Variants in MICALL1 observed in about 807,000 individuals in gnomAD.
The protein encoded by MICALL1 is MICAL-like protein 1.
In MICALL1, 61 loss-of-function variants were observed where a neutral mutation model predicts 83.7. That is an observed-to-expected ratio of 0.73 (90% CI 0.59 to 0.90). MICALL1 has a LOEUF of 0.90. Among genes scored for constraint, MICALL1 ranks in the 40% least tolerant of loss-of-function variants. MICALL1 has a pLI of 0.00. For synonymous variants in MICALL1, 481 were observed against 473.6 expected, an observed-to-expected ratio of 1.02 and a Z score of -0.20; for missense variants, 1,066 against 1,152.0, an observed-to-expected ratio of 0.93 and a Z score of 1.08.
At position 37,932,865 on chromosome 22, in the gene MICALL1, G is replaced by A. The variant is rs1929874939; in HGVS notation, c.2211G>A (p.Arg737=). ...TCCACGAGAAGCACCTACTGGTGCGGCGAGAGTCCGAGCTCATCTATGTGT... is the reference window on the plus strand; with the variant it reads ...TCCACGAGAAGCACCTACTGGTGCGACGAGAGTCCGAGCTCATCTATGTGT... The part of the protein sequence containing the change: ...KLIHEKHLLV[R]RESELIYVFK... Residue 737 remains arginine (R), a synonymous_variant, in exon 12 of 16, where the codon CGG becomes CGA. Coordinates refer to ENST00000215957, the MANE Select transcript of MICALL1 (RefSeq NM_033386.4). This position sits in a 1 kb window ranked among gnomAD's most constrained non-coding sequence, Gnocchi z 4.4. 6.2e-6 allele frequency: 10 copies of A among 1,614,156 alleles called. No individual in the cohort carries two copies. The highest frequency in any genetic ancestry group is 1.3e-5 in the African/African-American group (1 of 75,050).
At position 37,937,125 on chromosome 22, in the gene MICALL1, T is replaced by G. The variant is rs1391574297; in HGVS notation, c.2354T>G (p.Met785Arg). The change falls in exon 14 of 16, where the codon ATG (methionine) becomes AGG (arginine). Residue 785 changes from methionine to arginine, a missense_variant. Physicochemically the swap from Met to Arg is moderately conservative, Grantham distance 91. Transcript: ENST00000215957. ...EEDRAREKVL[M>R]QELVTLIEQR... Reference sequence around the variant, plus strand: ...GACCGGGCCCGGGAGAAGGTGCTGATGCAGGAGCTTGTGACCCTCATTGAG... The same window carrying G: ...GACCGGGCCCGGGAGAAGGTGCTGAGGCAGGAGCTTGTGACCCTCATTGAG... 1 of 1,551,398 alleles carries G rather than the reference T, an allele frequency of 6.4e-7. No individual in the cohort carries two copies. The highest frequency in any genetic ancestry group is 1.2e-5 in the South Asian group (1 of 84,058).
chr22:37,940,439 C>T (rs543537452), intron 15 of MICALL1, among the ~76,000 whole-genome samples: 4 of 152,064 alleles, frequency 2.6e-5, no homozygotes, highest in Non-Finnish European at 4.4e-5. Flanking sequence ...AAAGAATTCC[C>T]GGATTCAGCA....
chr22:37,915,006 C>A (rs1028029857), intron 3 of MICALL1, among the ~76,000 whole-genome samples: 2 of 151,402 alleles, frequency 1.3e-5, no homozygotes, highest in Non-Finnish European at 2.9e-5. Flanking sequence ...GCCTGTAATC[C>A]CAGCACTTTG....
At chr22:37,925,528 G>A (rs1160067178) in intron 7 of MICALL1, 133 bp from the exon 8 acceptor site, 3 of 634,316 alleles carry the variant, frequency 4.7e-6, no homozygotes, top group South Asian at 1.9e-5. Context: ...GTCCCCATGG[G>A]GATGGGGGTG....
intron 14 of MICALL1, among the ~76,000 whole-genome samples, chr22:37,937,418 C>CT (rs34844677): frequency 0.041 from 4,610 of 113,318 alleles, 255 homozygotes; most frequent in East Asian, 0.085. Context: ...GCTGCCGCTG[C>CT]TTTTTTTTTT....
rs533408203 is a variant in MICALL1, at chr22:37,922,538, G to A, written c.1024+112G>A. 1,213 of 690,256 alleles carry A rather than the reference G, an allele frequency of 1.8e-3. 24 individuals carry two copies. In the South Asian group the frequency reaches 0.024, roughly 13 times the overall value. The allele number at this position is 690,256 out of a possible 1,614,324, so 42.8% of individuals were successfully genotyped here. On this transcript the variant is annotated intron_variant, in intron 6 of 15. Transcript: ENST00000215957. Reference sequence around the variant, plus strand: ...CCCCTCTCCATCTGTGCCATTGTGTGCTGTGCTGTGTTGGGGCCTGCCTGT... The same window carrying A: ...CCCCTCTCCATCTGTGCCATTGTGTACTGTGCTGTGTTGGGGCCTGCCTGT...
chr22:37,919,328 G>C, intron 5 of MICALL1, 150 bp downstream of exon 5: 1 of 1,048,746 alleles, frequency 9.5e-7, no homozygotes, highest in Non-Finnish European at 1.3e-6. Flanking sequence ...CCAAGGCTTA[G>C]TGAGGGGAAA....
intron 13 of MICALL1, 141 bp downstream of exon 13, chr22:37,933,253 G>T (rs936012715): frequency 8.5e-6 from 7 of 819,786 alleles, no homozygotes; most frequent in African/African-American, 6.8e-5. Context: ...GCGGGGCAGG[G>T]CTGTCTGGGT....
At chr22:37,922,802 T>G (rs1403103408) in intron 6 of MICALL1, among the ~76,000 whole-genome samples, 18 of 138,748 alleles carry the variant, frequency 1.3e-4, no homozygotes, top group East Asian at 6.1e-4. Context: ...TTTTGTTTTT[T>G]TTTTTTTTTT....
intron 2 of MICALL1, 130 bp downstream of exon 2, chr22:37,912,130 C>T: frequency 1.7e-6 from 2 of 1,205,652 alleles, no homozygotes; most frequent in Non-Finnish European, 1.2e-6. Context: ...CTGCACCTTT[C>T]CCCACCCTCT....
chr22:37,932,376 T>A lies in MICALL1; in HGVS notation c.2017-177T>A, dbSNP rs1024666105. Among the ~76,000 whole-genome samples, 1 of 152,084 alleles carries A rather than the reference T, an allele frequency of 6.6e-6. No homozygotes were observed. Among genetic ancestry groups the A allele is most frequent in the African/African-American group, 2.4e-5 (1 of 41,408 alleles). ...GTGCTGGGACCAGTGGCATGCAGGG[T>A]TGTGGCTGTCCCCACACTGGCCCCT... On this transcript the variant is annotated intron_variant, in intron 10 of 15. Transcript: ENST00000215957. This position sits in a 1 kb window ranked among gnomAD's most constrained non-coding sequence, Gnocchi z 4.4.
At chr22:37,913,296 TG>T (rs1928457106) in intron 3 of MICALL1, among the ~76,000 whole-genome samples, 1 of 152,202 alleles carries the variant, frequency 6.6e-6, no homozygotes, top group African/African-American at 2.4e-5. Context: ...GAGCCTGTGC[TG>T]GGCTCTGGGG....
intron 5 of MICALL1, 123 bp from the exon 6 acceptor site, chr22:37,921,849 T>C (rs1929050789): frequency 2.3e-6 from 2 of 860,550 alleles, no homozygotes; most frequent in Non-Finnish European, 3.5e-6. Flanking sequence ...GGGTATGGAG[T>C]CGAGCTTGGC....
At chr22:37,922,795 TG>T (rs1391851864) in intron 6 of MICALL1, among the ~76,000 whole-genome samples, 30 of 134,096 alleles carry the variant, frequency 2.2e-4, no homozygotes, top group African/African-American at 5.5e-4. Context: ...TGTTTTTTTT[TG>T]TTTTTTTTTT....
intron 1 of MICALL1, among the ~76,000 whole-genome samples, chr22:37,908,951 A>G (rs940054148): frequency 6.6e-6 from 1 of 152,178 alleles, no homozygotes; most frequent in African/African-American, 2.4e-5. Context: ...TGGGGAGCAC[A>G]AGGTAGCGAG....
intron 14 of MICALL1, among the ~76,000 whole-genome samples, 192 bp downstream of exon 14, chr22:37,937,386 C>T (rs534624808): frequency 1.3e-5 from 2 of 151,440 alleles, no homozygotes; most frequent in South Asian, 2.1e-4. Context: ...GGCATCTGCT[C>T]CTTCCTCCCG....
At position 37,932,881 on chromosome 22, in the gene MICALL1, A is replaced by G. The variant is rs1601832062; in HGVS notation, c.2227A>G (p.Ile743Val). ...HLLVRRESEL[I>V]YVFKQQNLEQ... is the part of the protein sequence containing the mutation. ...ACTGGTGCGGCGAGAGTCCGAGCTC[A>G]TCTATGTGTGAGTCCCCCCGCCTGG... is the stretch of plus-strand genomic sequence containing the variant. The change falls in exon 12 of 16, where the codon ATC (isoleucine) becomes GTC (valine). Residue 743 changes from isoleucine (I) to valine (V), a missense_variant. Transcript: ENST00000215957. The surrounding 1 kb of genome is among the most constrained non-coding windows in gnomAD (Gnocchi z 4.4). The G allele has an allele frequency of 6.2e-7, 1 of 1,614,106 alleles. No individual in the cohort carries two copies. Among genetic ancestry groups the G allele is most frequent in the Non-Finnish European group, 8.5e-7 (1 of 1,179,996 alleles).
Position 37,919,173 on chromosome 22 carries a change from C to T in MICALL1, c.564C>T (p.Cys188=), listed in dbSNP as rs1013648593. 6.5e-7 allele frequency: 1 copy of T among 1,534,094 alleles called. No homozygotes were observed. Residue 188 remains cysteine (C), a synonymous_variant, in exon 5 of 16, where the codon TGC becomes TGT. Transcript: ENST00000215957. ...ACGGCAGGCTGTACCATCGCCACTGCTTCCGGTGAGTGGCCAGGGCCGCGT... is the reference window on the plus strand; with the variant it reads ...ACGGCAGGCTGTACCATCGCCACTGTTTCCGGTGAGTGGCCAGGGCCGCGT... ...LADGRLYHRH[C]FRCRRCSSTL...
intron 9 of MICALL1, among the ~76,000 whole-genome samples, chr22:37,928,799 C>T (rs1197784565): frequency 6.6e-6 from 1 of 152,188 alleles, no homozygotes; most frequent in African/African-American, 2.4e-5. Context: ...TCAGGCTCTA[C>T]TGATGCCAGA....
Sources: allele counts gnomAD v4.1 joint callset (sites outside exome capture counted in the v4.1 genomes callset), GRCh38; gene constraint gnomAD v4.1.1; non-coding constraint Gnocchi (gnomAD v3.1); transcripts MANE v1.5; gene names NCBI Gene and HGNC (gene_info 2026-07-23, HGNC 2026-07-21).